Variants in SLCO3A1 observed in about 807,000 individuals in gnomAD.
The protein encoded by SLCO3A1 is solute carrier organic anion transporter family member 3A1.
In SLCO3A1, 27 loss-of-function variants were observed where a neutral mutation model predicts 63.1. That is an observed-to-expected ratio of 0.43 (90% CI 0.32 to 0.59). The LOEUF is 0.59. SLCO3A1 is among the 20% of genes least tolerant of loss of function. The probability of loss-of-function intolerance (pLI) is 0.09; values close to 1 mark genes in which losing one functional copy is unlikely to be tolerated. For synonymous variants in SLCO3A1, 473 were observed against 409.9 expected (o/e 1.15, Z -1.86); for missense variants, 773 against 945.8 (o/e 0.82, Z 2.40).
chr15:91,938,951 T>C (rs1899516108), intron 2 of SLCO3A1, among the ~76,000 whole-genome samples: 1 of 152,214 alleles, frequency 6.6e-6, no homozygotes, highest in Non-Finnish European at 1.5e-5. Flanking sequence ...TAAACGTAGC[T>C]GGGATGTTGT....
rs1361539250 is a variant in SLCO3A1, at chr15:91,886,868, C to A, written c.181-29125C>A. On this transcript the variant is annotated intron_variant, in intron 1 of 9. Transcript: ENST00000318445. This position sits in a 1 kb window ranked among gnomAD's most constrained non-coding sequence, Gnocchi z 4.9. ...GTGCCTTATATATTCTGTTTCTAGT[C>A]TTGCAATTTGTATATTATCATTCAG... Among the ~76,000 whole-genome samples the A allele has an allele frequency of 6.6e-6, 1 of 152,174 alleles. No homozygotes were observed. The highest frequency in any genetic ancestry group is 2.4e-5 in the African/African-American group (1 of 41,434).
chr15:92,152,722 A>C (rs1431541611), intron 9 of SLCO3A1, among the ~76,000 whole-genome samples: 1 of 152,168 alleles, frequency 6.6e-6, no homozygotes, highest in Non-Finnish European at 1.5e-5. Context: ...GCAAATGGTA[A>C]AGCCATTCCA....
At chr15:92,099,907 C>CA (rs1006969112) in intron 3 of SLCO3A1, among the ~76,000 whole-genome samples, 62 of 150,510 alleles carry the variant, frequency 4.1e-4, no homozygotes, top group Admixed American at 1.5e-3. Flanking sequence ...ACTAAAAATA[C>CA]AAAAAAAAAT....
chr15:92,048,326 T>G (rs960857358), intron 2 of SLCO3A1, among the ~76,000 whole-genome samples: 1 of 152,044 alleles, frequency 6.6e-6, no homozygotes, highest in Admixed American at 6.6e-5. Flanking sequence ...CGTCCCTCTC[T>G]CTCCTCTCCT....
At chr15:92,016,457 G>T (rs777608953) in intron 2 of SLCO3A1, among the ~76,000 whole-genome samples, 6 of 152,128 alleles carry the variant, frequency 3.9e-5, no homozygotes, top group Non-Finnish European at 8.8e-5. Context: ...CCAGCCTGAA[G>T]AAGGCTTTGA....
chr15:91,860,586 C>T lies in SLCO3A1; in HGVS notation c.180+6498C>T, dbSNP rs887953125. 5.3e-5 allele frequency among the ~76,000 whole-genome samples: 8 copies of T among 152,362 alleles called. No individual in the cohort carries two copies. Among genetic ancestry groups the T allele is most frequent in the African/African-American group, 1.9e-4 (8 of 41,586 alleles). ...GGCTTCTGTTTCCTAAACTGGTGAT[C>T]TGGGCTCCTGAAGCTTGCTCTGCTT... On this transcript the variant is annotated intron_variant, in intron 1 of 9. Coordinates refer to ENST00000318445, the MANE Select transcript of SLCO3A1 (RefSeq NM_013272.4). This position sits in a 1 kb window ranked among gnomAD's most constrained non-coding sequence, Gnocchi z 5.5.
intron 4 of SLCO3A1, among the ~76,000 whole-genome samples, chr15:92,109,452 A>C (rs1437007414): frequency 1.3e-5 from 2 of 152,192 alleles, no homozygotes; most frequent in Non-Finnish European, 2.9e-5. Context: ...GCAGCCTAAA[A>C]GGAAGGGGAG....
At chr15:92,002,849 T>C (rs17695281) in intron 2 of SLCO3A1, among the ~76,000 whole-genome samples, 46,872 of 152,034 alleles carry the variant, frequency 0.31, 8,530 homozygotes, top group African/African-American at 0.49. Flanking sequence ...TAATATTACA[T>C]GCACTGTGCT....
intron 2 of SLCO3A1, among the ~76,000 whole-genome samples, chr15:91,937,242 G>A (rs1899445720): frequency 1.3e-5 from 2 of 152,196 alleles, no homozygotes; most frequent in Admixed American, 6.5e-5. Context: ...AAGGACTCCT[G>A]TGCTCAGCTG....
At chr15:91,971,080 C>T (rs1900841668) in intron 2 of SLCO3A1, among the ~76,000 whole-genome samples, 1 of 152,056 alleles carries the variant, frequency 6.6e-6, no homozygotes, top group African/African-American at 2.4e-5. Flanking sequence ...GCCTGAAGTG[C>T]CTGTTCCCAG....
chr15:91,925,950 G>A (rs1386360348), intron 2 of SLCO3A1, among the ~76,000 whole-genome samples: 1 of 152,192 alleles, frequency 6.6e-6, no homozygotes, highest in African/African-American at 2.4e-5. Flanking sequence ...TCAGGCTTGA[G>A]TGCCTGTCAT....
chr15:92,002,483 T>C (rs577196855), intron 2 of SLCO3A1, among the ~76,000 whole-genome samples: 1 of 152,328 alleles, frequency 6.6e-6, no homozygotes, highest in South Asian at 2.1e-4. Flanking sequence ...GGTGTGAATG[T>C]ATTTAGTGCT....
chr15:92,085,442 C>T (rs1372958682), intron 2 of SLCO3A1, among the ~76,000 whole-genome samples: 1 of 152,200 alleles, frequency 6.6e-6, no homozygotes, highest in African/African-American at 2.4e-5. Context: ...TGCCCCGGGG[C>T]GAGCTGCTTA....
chr15:92,060,039 G>C (rs1222315385), intron 2 of SLCO3A1, among the ~76,000 whole-genome samples: 1 of 152,130 alleles, frequency 6.6e-6, no homozygotes, highest in East Asian at 1.9e-4. Flanking sequence ...GTAAGCATTT[G>C]TGTATCTAAA....
At chr15:92,120,740 A>G in intron 5 of SLCO3A1, 111 bp downstream of exon 5, 2 of 865,720 alleles carry the variant, frequency 2.3e-6, no homozygotes, top group Admixed American at 2.2e-5. Context: ...CTGGGCCTAC[A>G]GCAACAAGAT....
intron 2 of SLCO3A1, among the ~76,000 whole-genome samples, chr15:92,051,925 A>G (rs184367883): frequency 2.2e-4 from 34 of 152,240 alleles, no homozygotes; most frequent in Middle Eastern, 3.4e-3. Flanking sequence ...TGTCAGTACT[A>G]TTTTGGGCAG....
At chr15:92,015,964 C>T (rs536818040) in intron 2 of SLCO3A1, among the ~76,000 whole-genome samples, 10 of 152,212 alleles carry the variant, frequency 6.6e-5, no homozygotes, top group African/African-American at 2.4e-4. Context: ...TGTGGTTGGT[C>T]ACCAAATGAA....
chr15:92,151,640 G>A (rs1041131383), intron 9 of SLCO3A1, among the ~76,000 whole-genome samples: 1 of 152,210 alleles, frequency 6.6e-6, no homozygotes, highest in East Asian at 1.9e-4. Flanking sequence ...GGCTGACGCT[G>A]GGCCTGGTTC....
chr15:91,950,919 A>C lies in SLCO3A1; in HGVS notation c.646+34461A>C, dbSNP rs1441303664. Among the ~76,000 whole-genome samples the C allele has an allele frequency of 6.6e-6, 1 of 152,188 alleles. No homozygotes were observed. Among genetic ancestry groups the C allele is most frequent in the Non-Finnish European group, 1.5e-5 (1 of 68,032 alleles). ...CAATCTGAGAAAGAAAGAAAAAAAA[A>C]AAAGTATTTCTCTGGCTTTCACTTC... On this transcript the variant is annotated intron_variant, in intron 2 of 9. Coordinates refer to ENST00000318445, the MANE Select transcript of SLCO3A1 (RefSeq NM_013272.4). This position sits in a 1 kb window ranked among gnomAD's most constrained non-coding sequence, Gnocchi z 4.4.
Sources: gnomAD v4.1 joint callset for allele counts (sites outside exome capture counted in the v4.1 genomes callset) on GRCh38, gnomAD v4.1.1 for gene constraint, Gnocchi (gnomAD v3.1) non-coding constraint, MANE v1.5 for transcripts, NCBI Gene and HGNC (gene_info 2026-07-23, HGNC 2026-07-21) for gene names.